The following CAMKMT variants were observed in gnomAD, a reference collection of about 807,000 sequenced individuals.
CAMKMT encodes calmodulin-lysine N-methyltransferase, also known as CaM KMT.
A neutral mutation model predicts 48.0 loss-of-function variants in CAMKMT; 53 were observed. The observed-to-expected ratio is 1.10, with a 90% CI of 0.89 to 1.39. The LOEUF (loss-of-function observed/expected upper bound fraction) is 1.39, where lower values mean the gene tolerates loss of function less well. Among genes scored for constraint, CAMKMT ranks in the 40% most tolerant of loss-of-function variants. CAMKMT has a pLI of 0.00. For missense variants in CAMKMT, 428 were observed against 402.7 expected (o/e 1.06, Z -0.54); for synonymous variants, 165 against 152.3 (o/e 1.08, Z -0.61).
intron 6 of CAMKMT, among the ~76,000 whole-genome samples, chr2:44,707,922 A>T (rs1677650822): frequency 6.6e-6 from 1 of 152,130 alleles, no homozygotes; most frequent in Non-Finnish European, 1.5e-5. Context: ...TGCTGAGGGT[A>T]CCTATATCCC....
In CAMKMT at chr2:44,653,986, C is replaced by A. The variant is rs981619884; in HGVS notation, c.377-50297C>A. 6.6e-6 allele frequency among the ~76,000 whole-genome samples: 1 copy of A among 152,090 alleles called. No individual in the cohort carries two copies. Among genetic ancestry groups the A allele is most frequent in the Non-Finnish European group, 1.5e-5 (1 of 68,016 alleles). On this transcript the variant is annotated intron_variant, in intron 3 of 10. Coordinates refer to ENST00000378494, the MANE Select transcript of CAMKMT (RefSeq NM_024766.5). This position sits in a 1 kb window ranked among gnomAD's most constrained non-coding sequence, Gnocchi z 5.2. ...GAGTCTTTCTTTGAATTAAAATTTT[C>A]TTAGTTTGCCGTGTATTTTAATTGA...
intron 3 of CAMKMT, 78 bp from the exon 4 acceptor site, chr2:44,704,205 C>T: frequency 8.8e-7 from 1 of 1,131,692 alleles, no homozygotes; most frequent in South Asian, 1.4e-5. Flanking sequence ...ATAGCTTGTA[C>T]TGAACATTAT....
chr2:44,533,688 A>G (rs1666608735), intron 3 of CAMKMT, among the ~76,000 whole-genome samples: 1 of 152,220 alleles, frequency 6.6e-6, no homozygotes, highest in African/African-American at 2.4e-5. Context: ...AAGGTTATCT[A>G]CCATTGTGAA....
At chr2:44,734,420 T>A (rs1312969094) in intron 7 of CAMKMT, among the ~76,000 whole-genome samples, 2 of 152,060 alleles carry the variant, frequency 1.3e-5, no homozygotes, top group East Asian at 1.9e-4. Context: ...TTTTTTTTTT[T>A]ATTTTTATTT....
At chr2:44,635,648 A>G (rs1328179264) in intron 3 of CAMKMT, among the ~76,000 whole-genome samples, 2 of 152,200 alleles carry the variant, frequency 1.3e-5, no homozygotes, top group Non-Finnish European at 2.9e-5. Flanking sequence ...AAGATTCTGA[A>G]TATGACTTTT....
At chr2:44,519,624 T>G (rs1270896534) in intron 3 of CAMKMT, among the ~76,000 whole-genome samples, 1 of 151,968 alleles carries the variant, frequency 6.6e-6, no homozygotes, top group Non-Finnish European at 1.5e-5. Context: ...AAGGAAAGAG[T>G]TGAATTAGCA....
At chr2:44,439,410 A>G (rs1052184129) in intron 3 of CAMKMT, among the ~76,000 whole-genome samples, 4 of 151,878 alleles carry the variant, frequency 2.6e-5, no homozygotes, top group African/African-American at 7.3e-5. Flanking sequence ...TCTTGACCCC[A>G]TTTCCAATCT....
At chr2:44,582,640 C>T (rs532916686) in intron 3 of CAMKMT, among the ~76,000 whole-genome samples, 3 of 152,124 alleles carry the variant, frequency 2.0e-5, no homozygotes, top group East Asian at 1.9e-4. Context: ...ATTTTTTTTC[C>T]TCCTAGTTAA....
Position 44,440,200 on chromosome 2 carries a change from T to C in CAMKMT, c.376+49895T>C, listed in dbSNP as rs534200189. On this transcript the variant is annotated intron_variant, in intron 3 of 10. Transcript: ENST00000378494. ...TGGGATGCTGCATCCTCTAGTCCCA[T>C]GATTCTAGTGCAGCCCATGATTTCC... Among the ~76,000 whole-genome samples the C allele has an allele frequency of 2.0e-5, 3 of 152,340 alleles. No homozygotes were observed. In the South Asian group the frequency reaches 6.2e-4, roughly 32 times the overall value.
intron 1 of CAMKMT, among the ~76,000 whole-genome samples, chr2:44,371,410 C>T (rs1679170193): frequency 6.6e-6 from 1 of 152,232 alleles, no homozygotes; most frequent in African/African-American, 2.4e-5. Context: ...TGAGCCACTG[C>T]ACCTGGCCTA....
chr2:44,387,924 T>C (rs537900584), intron 2 of CAMKMT, among the ~76,000 whole-genome samples: 1 of 152,336 alleles, frequency 6.6e-6, no homozygotes, highest in African/African-American at 2.4e-5. Flanking sequence ...GGATTTTCTT[T>C]ATAGGTTACC....
At chr2:44,742,203 T>C (rs1359172106) in intron 7 of CAMKMT, among the ~76,000 whole-genome samples, 1 of 152,172 alleles carries the variant, frequency 6.6e-6, no homozygotes, top group Non-Finnish European at 1.5e-5. Context: ...TGCTTCCTGC[T>C]CTCCCCAGGT....
intron 3 of CAMKMT, among the ~76,000 whole-genome samples, chr2:44,611,277 C>T (rs1671582880): frequency 6.6e-6 from 1 of 151,798 alleles, no homozygotes; most frequent in African/African-American, 2.4e-5. Context: ...ACTTAAAATA[C>T]AAAAAATTAG....
intron 2 of CAMKMT, among the ~76,000 whole-genome samples, chr2:44,375,477 A>T (rs750649031): frequency 1.3e-5 from 2 of 152,104 alleles, no homozygotes; most frequent in Admixed American, 6.5e-5. Flanking sequence ...AAAGTTAACT[A>T]TTCAGTGTAA....
At chr2:44,738,456 G>A (rs1679483397) in intron 7 of CAMKMT, among the ~76,000 whole-genome samples, 1 of 152,192 alleles carries the variant, frequency 6.6e-6, no homozygotes, top group African/African-American at 2.4e-5. Context: ...TTCATATCTA[G>A]CTAATCCACA....
At position 44,392,120 on chromosome 2, in the gene CAMKMT, A is replaced by G. The variant is rs535967007; in HGVS notation, c.376+1815A>G. The G allele has an allele frequency of 1.4e-4, 21 of 152,304 alleles. No homozygotes were observed. In the East Asian group the frequency reaches 3.3e-3, roughly 24 times the overall value. The allele number at this position is 152,304 out of a possible 1,614,324, so 9.4% of individuals were successfully genotyped here. On this transcript the variant is annotated intron_variant, in intron 3 of 10. Transcript: ENST00000378494. ...ACCTCTTTTGGTTTTTTCCTAATAA[A>G]GAAGATAATATTATTAGGATTATTC... is the stretch of plus-strand genomic sequence containing the variant.
intron 3 of CAMKMT, among the ~76,000 whole-genome samples, chr2:44,406,845 C>T (rs1056690340): frequency 1.3e-5 from 2 of 152,184 alleles, no homozygotes; most frequent in African/African-American, 4.8e-5. Flanking sequence ...TCAAGCAATC[C>T]GCCCACCACA....
intron 3 of CAMKMT, among the ~76,000 whole-genome samples, chr2:44,555,789 G>A (rs1667974270): frequency 6.6e-6 from 1 of 152,164 alleles, no homozygotes; most frequent in South Asian, 2.1e-4. Flanking sequence ...GAAACCAAGG[G>A]AGGAGAAACT....
intron 3 of CAMKMT, among the ~76,000 whole-genome samples, chr2:44,487,131 T>TA (rs1276823458): frequency 3.3e-5 from 5 of 151,918 alleles, no homozygotes; most frequent in Admixed American, 6.6e-5. Flanking sequence ...GTGGTCAAAA[T>TA]AAAAAAAAGT....
Sources: gnomAD v4.1 joint callset for allele counts (sites outside exome capture counted in the v4.1 genomes callset) on GRCh38, gnomAD v4.1.1 for gene constraint, Gnocchi (gnomAD v3.1) non-coding constraint, MANE v1.5 for transcripts, NCBI Gene and HGNC (gene_info 2026-07-23, HGNC 2026-07-21) for gene names.